The following PALD1 variants were observed in gnomAD, a reference collection of about 807,000 sequenced individuals.
PALD1 encodes the protein phosphatase domain containing paladin 1.
Under a neutral mutation model 96.0 loss-of-function variants are expected in PALD1, and 57 were observed. The ratio of observed to expected loss-of-function variants is 0.59; its 90% CI spans 0.48 to 0.74. PALD1 has a LOEUF of 0.74. Among genes scored for constraint, PALD1 ranks in the 30% least tolerant of loss-of-function variants. The pLI is 0.00. For synonymous variants in PALD1, 464 were observed against 473.6 expected (o/e 0.98, Z 0.26); for missense variants, 1,063 against 1,143.7 (o/e 0.93, Z 1.02).
At chr10:70,521,405 C>T (rs1325102091) in intron 1 of PALD1, among the ~76,000 whole-genome samples, 3 of 152,134 alleles carry the variant, frequency 2.0e-5, no homozygotes, top group Admixed American at 6.6e-5. Flanking sequence ...ATCGATATGA[C>T]ATAAAGCATC....
rs188689285 is a variant in PALD1 at position 70,563,522 on chromosome 10, C to A, written c.2263-842C>A. On this transcript the variant is annotated intron_variant, in intron 18 of 19. Coordinates refer to ENST00000263563, the MANE Select transcript of PALD1 (RefSeq NM_014431.3). ...TTAAAAGATCGATGCCCCACAGCCTCCCCTGCACCCACACATCCTCTCCCA... is the reference window on the plus strand; with the variant it reads ...TTAAAAGATCGATGCCCCACAGCCTACCCTGCACCCACACATCCTCTCCCA... Among the ~76,000 whole-genome samples the A allele has an allele frequency of 4.2e-4, 64 of 152,336 alleles. 1 individual carries two copies. Among genetic ancestry groups the A allele is most frequent in the Non-Finnish European group, 5.6e-4 (38 of 68,030 alleles).
chr10:70,539,534 A>C lies in PALD1; in HGVS notation c.1726-46A>C. On this transcript the variant is annotated intron_variant, in intron 14 of 19. Coordinates refer to ENST00000263563, the MANE Select transcript of PALD1 (RefSeq NM_014431.3). This position sits in a 1 kb window ranked among gnomAD's most constrained non-coding sequence, Gnocchi z 4.5. ...GGCTGTGGCCTTTCAGGGCTAGCCT[A>C]GAGCCTGCCCCAGTGGCCTGTGTCC... 153 of 1,510,706 alleles carry C rather than the reference A, an allele frequency of 1.0e-4. No homozygotes were observed. The highest frequency in any genetic ancestry group is 1.9e-4 in the Middle Eastern group (1 of 5,138). The allele number at this position is 1,510,706 out of a possible 1,614,324, so 93.6% of individuals were successfully genotyped here. A position where few individuals can be genotyped will look rare whatever the true frequency, so the allele number is the denominator to read the frequency against.
chr10:70,527,277 A>G (rs573708650), intron 2 of PALD1, among the ~76,000 whole-genome samples: 1 of 152,304 alleles, frequency 6.6e-6, no homozygotes, highest in East Asian at 1.9e-4. Flanking sequence ...GTGTCTCAGA[A>G]CAGTTGCTGA....
intron 1 of PALD1, among the ~76,000 whole-genome samples, chr10:70,487,586 A>T (rs533807254): frequency 6.6e-6 from 1 of 152,058 alleles, no homozygotes; most frequent in Non-Finnish European, 1.5e-5. Flanking sequence ...ACAATGTTGT[A>T]CAACCACCAC....
rs1041198303 is a variant in PALD1, at chr10:70,567,891, G to C, written c.*1158G>C. 3 of 152,260 alleles carry C rather than the reference G, an allele frequency of 2.0e-5. No individual in the cohort carries two copies. The highest frequency in any genetic ancestry group is 1.3e-4 in the Admixed American group (2 of 15,286). 9.4% of individuals were successfully genotyped at this position (152,260 alleles called of 1,614,324 possible). A position where few individuals can be genotyped will look rare whatever the true frequency, so the allele number is the denominator to read the frequency against. ...TTGCAGCTCTTCCAGCTGGGGACTG[G>C]TGCTTGCTGAAACCCAGGAGCTGAA... is the stretch of plus-strand genomic sequence containing the variant. On this transcript the variant is annotated 3_prime_UTR_variant, in exon 20 of 20. Transcript: ENST00000263563.
Position 70,539,188 on chromosome 10 carries a change from G to C in PALD1, c.1666G>C (p.Asp556His), listed in dbSNP as rs775516459. 13 of 1,613,058 alleles carry C rather than the reference G, an allele frequency of 8.1e-6. No homozygotes were observed. Among genetic ancestry groups the C allele is most frequent in the Middle Eastern group, 1.6e-4 (1 of 6,078 alleles). ...TCGGGAGGAGGCCGTGTTGGAGTGTGACGGGCACACCTACAGCCTGCGGTG... is the reference window on the plus strand; with the variant it reads ...TCGGGAGGAGGCCGTGTTGGAGTGTCACGGGCACACCTACAGCCTGCGGTG... Reference protein sequence around the residue: ...SLREEAVLECDGHTYSLRWPG... With the variant: ...SLREEAVLECHGHTYSLRWPG... The change falls in exon 14 of 20, where the codon GAC (aspartate) becomes CAC (histidine). Residue 556 changes from aspartate (D) to histidine (H), a missense_variant. Asp to His is a moderately conservative substitution (Grantham distance 81). Transcript: ENST00000263563. This position sits in a 1 kb window ranked among gnomAD's most constrained non-coding sequence, Gnocchi z 4.5.
chr10:70,529,306 A>T lies in PALD1; in HGVS notation c.263A>T (p.Asn88Ile). Residue 88 changes from asparagine (N) to isoleucine (I), a missense_variant, in exon 3 of 20, where the codon AAC (asparagine) becomes ATC (isoleucine). Transcript: ENST00000263563. ...TACACGTTGGGCCGGCTCTCGGACA[A>T]CACCCCTGAGCACTACCTGGTGCAA... ...AHYTLGRLSD[N>I]TPEHYLVQGR... 1 of 1,557,138 alleles carries T rather than the reference A, an allele frequency of 6.4e-7. No homozygotes were observed. Among genetic ancestry groups the T allele is most frequent in the Non-Finnish European group, 8.7e-7 (1 of 1,143,768 alleles).
At chr10:70,477,070 C>G (rs551547801), upstream of PALD1, among the ~76,000 whole-genome samples, 94 of 152,018 alleles carry the variant, frequency 6.2e-4, 1 homozygote, top group Non-Finnish European at 1.1e-3. Flanking sequence ...TATTTTGCAC[C>G]TGCTCACACA....
chr10:70,538,293 T>A lies in PALD1; in HGVS notation c.1337T>A (p.Phe446Tyr), dbSNP rs749339824. The change falls in exon 12 of 20, where the codon TTT becomes TAT. Residue 446 changes from phenylalanine (F) to tyrosine (Y), a missense_variant. By Grantham distance (22) the Phe-to-Tyr change is conservative (BLOSUM62 3). Coordinates refer to ENST00000263563, the MANE Select transcript of PALD1 (RefSeq NM_014431.3). ...CTCGGGCTGCAGTACCCGCTGGCCTTTGCCCTCAGTTTCAGCCGCTGGCTG... is the reference window on the plus strand; with the variant it reads ...CTCGGGCTGCAGTACCCGCTGGCCTATGCCCTCAGTTTCAGCCGCTGGCTG... ...YYLHEQYPLA[F>Y]ALSFSRWLCA... The A allele has an allele frequency of 6.2e-7, 1 of 1,603,114 alleles. No individual in the cohort carries two copies.
the PALD1 span, among the ~76,000 whole-genome samples, chr10:70,469,557 G>C: frequency 9.9e-5 from 15 of 152,080 alleles, no homozygotes; most frequent in African/African-American, 3.4e-4. Context: ...AGCTGGGCTG[G>C]GTTCCCCTGG....
At position 70,531,412 on chromosome 10, in the gene PALD1, C is replaced by T. The variant is rs537492495; in HGVS notation, c.591C>T (p.Pro197=). 6.8e-5 allele frequency: 109 copies of T among 1,614,030 alleles called. No individual in the cohort carries two copies. Among genetic ancestry groups the T allele is most frequent in the South Asian group, 2.1e-4 (19 of 91,072 alleles). ...NLHENLQGLG[P]GVRVESLELA... is the part of the protein sequence containing the mutation. ...ATGAGAACCTCCAGGGCCTTGGACC[C>T]GGGGTCCGGGTGGAGAGCCTGGAGC... Residue 197 remains proline (P), a synonymous_variant, in exon 5 of 20, where the codon CCC becomes CCT. Coordinates refer to ENST00000263563, the MANE Select transcript of PALD1 (RefSeq NM_014431.3).
chr10:70,459,040 C>G, the PALD1 span, among the ~76,000 whole-genome samples: 1 of 152,176 alleles, frequency 6.6e-6, no homozygotes, highest in Non-Finnish European at 1.5e-5. Flanking sequence ...GGCTCCCCCA[C>G]CTTTATCCCC....
At chr10:70,472,130 G>A in the PALD1 span, among the ~76,000 whole-genome samples, 2 of 152,142 alleles carry the variant, frequency 1.3e-5, no homozygotes, top group African/African-American at 4.8e-5. Flanking sequence ...CCTGGCCTCC[G>A]TAGATCCCTG....
At chr10:70,558,316 C>T (rs541575948) in intron 18 of PALD1, among the ~76,000 whole-genome samples, 1 of 152,240 alleles carries the variant, frequency 6.6e-6, no homozygotes, top group African/African-American at 2.4e-5. Flanking sequence ...GTCATTTCAC[C>T]TCTTTGACCT....
In PALD1 at chr10:70,543,234, T is replaced by G. The variant is rs188406526; in HGVS notation, c.2121+1700T>G. Among the ~76,000 whole-genome samples the G allele has an allele frequency of 4.2e-3, 643 of 152,316 alleles. 3 individuals are homozygous for G. Among genetic ancestry groups the G allele is most frequent in the African/African-American group, 0.015 (604 of 41,570 alleles). The stretch of plus-strand genomic sequence containing the variant: ...GTCTGTTCAAGTCCTTTGTCCATTT[T>G]TGAATTGGATTGTTGTTGAGTTTTG... On this transcript the variant is annotated intron_variant, in intron 17 of 19. Coordinates refer to ENST00000263563, the MANE Select transcript of PALD1 (RefSeq NM_014431.3).
At chr10:70,495,909 GTTGAGATGGGAGGATTGC>G (rs1387126038) in intron 1 of PALD1, among the ~76,000 whole-genome samples, 4 of 151,862 alleles carry the variant, frequency 2.6e-5, no homozygotes, top group African/African-American at 9.7e-5. Flanking sequence ...TACTTGGGAG[GTTGAGATGGGAGGATTGC>G]TTGAGTCTGG....
At chr10:70,553,033 G>A (rs2151963) in intron 18 of PALD1, among the ~76,000 whole-genome samples, 75,418 of 151,942 alleles carry the variant, frequency 0.5, 19,716 homozygotes, top group Middle Eastern at 0.63. Context: ...ATAAGATTCC[G>A]GCTCAGTGTG....
Position 70,552,073 on chromosome 10 carries a change from A to G in PALD1, c.2262+4627A>G, listed in dbSNP as rs192461795. 2.8e-4 allele frequency among the ~76,000 whole-genome samples: 43 copies of G among 152,380 alleles called. 1 individual carries two copies. The highest frequency in any genetic ancestry group is 3.4e-3 in the Middle Eastern group (1 of 294). ...TGTTTATGCATTTCAACATGTGCCC[A>G]GCCAGCATGTGCTGCCTCAGTGCTG... On this transcript the variant is annotated intron_variant, in intron 18 of 19. Transcript: ENST00000263563.
At chr10:70,475,198 C>T (rs1845807318), upstream of PALD1, among the ~76,000 whole-genome samples, 1 of 152,186 alleles carries the variant, frequency 6.6e-6, no homozygotes, top group African/African-American at 2.4e-5. Flanking sequence ...GTTGCTGTGG[C>T]TAGATCCAAG....
Sources: gnomAD v4.1 joint callset for allele counts (sites outside exome capture counted in the v4.1 genomes callset) on GRCh38, gnomAD v4.1.1 for gene constraint, Gnocchi (gnomAD v3.1) non-coding constraint, MANE v1.5 for transcripts, NCBI Gene and HGNC (gene_info 2026-07-23, HGNC 2026-07-21) for gene names.